The following GALNT17 variants were observed in gnomAD, a reference collection of about 807,000 sequenced individuals.
The protein encoded by GALNT17 is UDP-GalNAc:polypeptide N-acetylgalactosaminyltransferase-like 3.
A neutral mutation model predicts 63.7 loss-of-function variants in GALNT17; 29 were observed. That is an observed-to-expected ratio of 0.46 (90% CI 0.34 to 0.62). The LOEUF (loss-of-function observed/expected upper bound fraction) is 0.62, where lower values mean the gene tolerates loss of function less well. Among genes scored for constraint, GALNT17 ranks in the 20% least tolerant of loss-of-function variants. GALNT17 has a pLI of 0.01. For missense variants in GALNT17, 603 were observed against 799.6 expected (o/e 0.75, Z 2.97); for synonymous variants, 305 against 318.3 (o/e 0.96, Z 0.45).
chr7:71,697,051 G>C (rs1400010699), intron 9 of GALNT17, among the ~76,000 whole-genome samples: 1 of 152,160 alleles, frequency 6.6e-6, no homozygotes, highest in Admixed American at 6.6e-5. Context: ...TACAGGGAAG[G>C]CAGGCTGGAC....
chr7:71,320,599 T>G (rs1791588512), intron 1 of GALNT17, among the ~76,000 whole-genome samples: 1 of 152,122 alleles, frequency 6.6e-6, no homozygotes, highest in South Asian at 2.1e-4. Flanking sequence ...AAATGGGATC[T>G]TGCCAAGAGG....
chr7:71,245,678 C>T (rs1384304842), intron 1 of GALNT17, among the ~76,000 whole-genome samples: 1 of 151,962 alleles, frequency 6.6e-6, no homozygotes, highest in Non-Finnish European at 1.5e-5. Context: ...TGGGCAAAGG[C>T]TAGAGATAAT....
At chr7:71,509,582 C>T (rs552001080) in intron 5 of GALNT17, among the ~76,000 whole-genome samples, 41 of 152,314 alleles carry the variant, frequency 2.7e-4, no homozygotes, top group African/African-American at 9.9e-4. Flanking sequence ...TAAACTTGCC[C>T]GTAGTCACAT....
intron 6 of GALNT17, among the ~76,000 whole-genome samples, chr7:71,604,465 C>T (rs990996532): frequency 4.6e-5 from 7 of 152,216 alleles, no homozygotes; most frequent in Admixed American, 3.3e-4. Context: ...ATGTTAAGTG[C>T]TCATTGCCTT....
Position 71,132,667 on chromosome 7 carries a change from T to C in GALNT17, c.-136T>C, listed in dbSNP as rs1787703461. ...AGCCGTCTCCGCCGCCCGAGCATCCTTGAGGTGGGACGAGCAGGGGCTTGG... is the reference window on the plus strand; with the variant it reads ...AGCCGTCTCCGCCGCCCGAGCATCCCTGAGGTGGGACGAGCAGGGGCTTGG... On this transcript the variant is annotated 5_prime_UTR_variant, in exon 1 of 11. Coordinates refer to ENST00000333538, the MANE Select transcript of GALNT17 (RefSeq NM_022479.3). 3 of 703,070 alleles carry C rather than the reference T, an allele frequency of 4.3e-6. No individual in the cohort carries two copies. Among genetic ancestry groups the C allele is most frequent in the East Asian group, 2.9e-5 (1 of 34,176 alleles). The allele number at this position is 703,070 out of a possible 1,614,324, so 43.6% of individuals were successfully genotyped here. A position where few individuals can be genotyped will look rare whatever the true frequency, so the allele number is the denominator to read the frequency against.
chr7:71,357,927 C>T (rs1461248496), intron 2 of GALNT17, among the ~76,000 whole-genome samples: 2 of 152,080 alleles, frequency 1.3e-5, no homozygotes, highest in African/African-American at 4.8e-5. Context: ...AGTAGCCAAT[C>T]GCAGGGAGGA....
chr7:71,686,166 G>C (rs989934925), intron 9 of GALNT17, among the ~76,000 whole-genome samples: 5 of 151,912 alleles, frequency 3.3e-5, no homozygotes, highest in African/African-American at 1.2e-4. Context: ...TGTTAGCCAG[G>C]CTGGTCTTCA....
At chr7:71,265,084 G>A (rs760222197) in intron 1 of GALNT17, among the ~76,000 whole-genome samples, 16 of 116,298 alleles carry the variant, frequency 1.4e-4, no homozygotes, top group South Asian at 8.6e-4. Context: ...AATACCACAC[G>A]TAACCCATAA....
intron 5 of GALNT17, among the ~76,000 whole-genome samples, chr7:71,560,193 C>CAAAAAAA (rs57189106): frequency 3.2e-5 from 3 of 94,458 alleles, no homozygotes; most frequent in African/African-American, 4.2e-5. Context: ...GACTCCATCT[C>CAAAAAAA]AAAAAAAAAA....
At chr7:71,389,721 T>C (rs2116347817) in intron 3 of GALNT17, among the ~76,000 whole-genome samples, 1 of 152,146 alleles carries the variant, frequency 6.6e-6, no homozygotes. Context: ...GTTGTCCTTC[T>C]CCAAAAAGCG....
chr7:71,163,954 G>A (rs1788391962), intron 1 of GALNT17, among the ~76,000 whole-genome samples: 1 of 152,178 alleles, frequency 6.6e-6, no homozygotes, highest in Non-Finnish European at 1.5e-5. Flanking sequence ...AGAAAGTACT[G>A]TAGAGACTGT....
chr7:71,606,246 C>T (rs928271175), intron 6 of GALNT17, among the ~76,000 whole-genome samples: 8 of 151,904 alleles, frequency 5.3e-5, no homozygotes, highest in Admixed American at 2.6e-4. Context: ...TGAGCCACTG[C>T]GCCCAACCAC....
intron 6 of GALNT17, among the ~76,000 whole-genome samples, chr7:71,634,125 C>T (rs910613043): frequency 3.9e-5 from 6 of 152,152 alleles, no homozygotes; most frequent in Admixed American, 1.3e-4. Context: ...CCCTCAGCCC[C>T]CTCCTTCCCT....
At chr7:71,232,862 T>C (rs562018010) in intron 1 of GALNT17, among the ~76,000 whole-genome samples, 1 of 152,288 alleles carries the variant, frequency 6.6e-6, no homozygotes, top group East Asian at 1.9e-4. Flanking sequence ...GTGTATGTTA[T>C]GGAGAGGTGC....
At chr7:71,542,486 G>A (rs1167296042) in intron 5 of GALNT17, among the ~76,000 whole-genome samples, 1 of 151,982 alleles carries the variant, frequency 6.6e-6, no homozygotes, top group East Asian at 1.9e-4. Flanking sequence ...CACGAGGTCA[G>A]GAGATCAAGA....
chr7:71,475,437 C>T (rs559427532), intron 5 of GALNT17, among the ~76,000 whole-genome samples: 8 of 152,128 alleles, frequency 5.3e-5, no homozygotes, highest in African/African-American at 1.4e-4. Flanking sequence ...TCATAAGGAG[C>T]GTGCAACCTA....
intron 2 of GALNT17, among the ~76,000 whole-genome samples, chr7:71,342,941 T>G (rs954183477): frequency 6.6e-6 from 1 of 152,188 alleles, no homozygotes; most frequent in Non-Finnish European, 1.5e-5. Flanking sequence ...AAGAATGAGT[T>G]GGAGAACTAG....
At chr7:71,286,969 A>C (rs1410989316) in intron 1 of GALNT17, among the ~76,000 whole-genome samples, 1 of 151,340 alleles carries the variant, frequency 6.6e-6, no homozygotes, top group African/African-American at 2.4e-5. Flanking sequence ...GTTTTTGTAT[A>C]TTTTATAGAG....
Position 71,607,746 on chromosome 7 carries a change from C to A in GALNT17, c.1080+36344C>A, listed in dbSNP as rs538046557. On this transcript the variant is annotated intron_variant, in intron 6 of 10. Transcript: ENST00000333538. ...TTCCCAAAGAAAAGGAGAAAAAAAA[C>A]CCCACAGATTAAAAGAGGAAAACAA... 1.6e-3 allele frequency among the ~76,000 whole-genome samples: 251 copies of A among 152,138 alleles called. 1 individual carries two copies. The highest frequency in any genetic ancestry group is 4.2e-3 in the African/African-American group (174 of 41,514).
Sources: allele counts gnomAD v4.1 joint callset (sites outside exome capture counted in the v4.1 genomes callset), GRCh38; gene constraint gnomAD v4.1.1; transcripts MANE v1.5; gene names NCBI Gene and HGNC (gene_info 2026-07-23, HGNC 2026-07-21).